TBCD: variants seen among roughly 807,000 people sequenced by gnomAD.
TBCD encodes tubulin-specific chaperone D.
TBCD carries 105 observed loss-of-function variants against 169.3 expected under a neutral mutation model. The ratio of observed to expected loss-of-function variants is 0.62; its 90% confidence interval spans 0.53 to 0.73. The LOEUF (loss-of-function observed/expected upper bound fraction) is 0.73. Among genes scored for constraint, TBCD ranks in the 30% least tolerant of loss-of-function variants. The pLI is 0.00. For synonymous variants in TBCD, 700 were observed against 643.9 expected (o/e 1.09, Z -1.32); for missense variants, 1,444 against 1,600.1 (o/e 0.90, Z 1.66).
rs185752740 is a variant in TBCD, at chr17:82,873,019, C to G, written c.1475+2639C>G. ...CCGACGGCTTCTGAGCCAGGCCCGT[C>G]TGGGCAGCAGCTCCCAGGCCCTGGC... On this transcript the variant is annotated intron_variant, in intron 14 of 38. Coordinates refer to ENST00000355528, the MANE Select transcript of TBCD (RefSeq NM_005993.5). 2.0e-5 allele frequency among the ~76,000 whole-genome samples: 3 copies of G among 152,190 alleles called. No individual in the cohort carries two copies. The East Asian group carries it at 5.8e-4, about 29-fold the overall frequency.
At chr17:82,888,450 T>C (rs182605192) in intron 15 of TBCD, among the ~76,000 whole-genome samples, 26 of 152,384 alleles carry the variant, frequency 1.7e-4, no homozygotes, top group Admixed American at 5.9e-4. Context: ...GTATGTTAAA[T>C]TGATGTTACA....
At chr17:82,758,430 T>G (rs576516462) in intron 2 of TBCD, among the ~76,000 whole-genome samples, 3 of 116,230 alleles carry the variant, frequency 2.6e-5, no homozygotes, top group East Asian at 4.8e-4. Flanking sequence ...TTTTTTTTTT[T>G]GTAGAGAAGG....
At chr17:82,910,909 G>A (rs772600673) in intron 22 of TBCD, among the ~76,000 whole-genome samples, 9 of 152,144 alleles carry the variant, frequency 5.9e-5, no homozygotes, top group Non-Finnish European at 1.3e-4. Context: ...AGTGAACCTC[G>A]TGCTGTTCTC....
At chr17:82,799,607 C>T (rs935173485) in intron 8 of TBCD, among the ~76,000 whole-genome samples, 17 of 152,232 alleles carry the variant, frequency 1.1e-4, no homozygotes, top group African/African-American at 4.1e-4. Flanking sequence ...CGTGTGCAGC[C>T]TGTTTCATCC....
chr17:82,807,768 G>A (rs1397158393), intron 11 of TBCD, 100 bp downstream of exon 11: 2 of 945,636 alleles, frequency 2.1e-6, no homozygotes, highest in Non-Finnish European at 1.4e-6. Flanking sequence ...GTGGCAGCGC[G>A]GCCCCCTCCT....
chr17:82,756,614 G>A lies in TBCD; in HGVS notation c.235+399G>A, dbSNP rs567412248. Among the ~76,000 whole-genome samples the A allele has an allele frequency of 3.2e-3, 482 of 152,184 alleles. 1 individual carries two copies. Among genetic ancestry groups the A allele is most frequent in the Non-Finnish European group, 5.7e-3 (388 of 68,012 alleles). On this transcript the variant is annotated intron_variant, in intron 2 of 38. Transcript: ENST00000355528. The stretch of plus-strand genomic sequence containing the variant: ...CCTGCCTCTGCCTCCCGAGTAGCTG[G>A]GATTACAGGCATGCGCCACCATGCC...
At chr17:82,811,169 T>A (rs2051408712) in intron 12 of TBCD, among the ~76,000 whole-genome samples, 1 of 152,206 alleles carries the variant, frequency 6.6e-6, no homozygotes, top group East Asian at 1.9e-4. Context: ...GGTGGGCATA[T>A]GTCCTCCTGT....
intron 13 of TBCD, among the ~76,000 whole-genome samples, chr17:82,846,730 CCT>C (rs913315960): frequency 2.0e-5 from 3 of 152,332 alleles, no homozygotes; most frequent in African/African-American, 7.2e-5. Context: ...CAGCCCTTCC[CCT>C]GTGTTACATG....
intron 7 of TBCD, among the ~76,000 whole-genome samples, chr17:82,786,222 C>G (rs1298718364): frequency 1.3e-5 from 2 of 152,010 alleles, no homozygotes; most frequent in Non-Finnish European, 2.9e-5. Context: ...TCTCTGCCCT[C>G]TAGGATTCCC....
At chr17:82,935,621 G>A (rs961745298) in intron 34 of TBCD, among the ~76,000 whole-genome samples, 2 of 152,154 alleles carry the variant, frequency 1.3e-5, no homozygotes, top group South Asian at 2.1e-4. Context: ...TATTCTTAGC[G>A]AAGTCCAGTT....
At position 82,835,634 on chromosome 17, in the gene TBCD, C is replaced by T. The variant is rs112992590; in HGVS notation, c.1318+20700C>T. Among the ~76,000 whole-genome samples the T allele has an allele frequency of 2.6e-5, 4 of 151,844 alleles. No homozygotes were observed. The highest frequency in any genetic ancestry group is 6.6e-5 in the Admixed American group (1 of 15,250). On this transcript the variant is annotated intron_variant, in intron 13 of 38. Transcript: ENST00000355528. This position sits in a 1 kb window ranked among gnomAD's most constrained non-coding sequence, Gnocchi z 4.5. Reference sequence around the variant, plus strand: ...GAGATGGGGTTTCACTATGTTGGCCCGGCTGGTCTTGAACTCCTGACCTCA... The same window carrying T: ...GAGATGGGGTTTCACTATGTTGGCCTGGCTGGTCTTGAACTCCTGACCTCA...
At chr17:82,761,819 G>A (rs1295457996) in intron 2 of TBCD, among the ~76,000 whole-genome samples, 2 of 151,280 alleles carry the variant, frequency 1.3e-5, no homozygotes, top group African/African-American at 2.4e-5. Flanking sequence ...TCTGCCACCC[G>A]GGTTCACGCC....
At chr17:82,896,819 C>G (rs1265573963) in intron 17 of TBCD, among the ~76,000 whole-genome samples, 2 of 152,084 alleles carry the variant, frequency 1.3e-5, no homozygotes, top group African/African-American at 4.8e-5. Flanking sequence ...CCACGCGCCC[C>G]CGGTGCTGGA....
Position 82,763,981 on chromosome 17 carries a change from G to A in TBCD, c.252G>A (p.Leu84=). 6.2e-7 allele frequency: 1 copy of A among 1,613,764 alleles called. No homozygotes were observed. Among genetic ancestry groups the A allele is most frequent in the Non-Finnish European group, 8.5e-7 (1 of 1,179,780 alleles). The change falls in exon 3 of 39, where the codon TTG becomes TTA. Residue 84 remains leucine (L), a synonymous_variant. Coordinates refer to ENST00000355528, the MANE Select transcript of TBCD (RefSeq NM_005993.5). ...LDPHLEWMMN[L]LLDIVQDQTS... ...TTTCCCTAGAATGGATGATGAACTT[G>A]TTGTTGGACATAGTGCAAGATCAGA... is the stretch of plus-strand genomic sequence containing the variant.
In TBCD at chr17:82,884,455, T is replaced by C. The variant is rs945040233; in HGVS notation, c.1533+253T>C. Among the ~76,000 whole-genome samples, 10 of 152,164 alleles carry C rather than the reference T, an allele frequency of 6.6e-5. No individual in the cohort carries two copies. Among genetic ancestry groups the C allele is most frequent in the Admixed American group, 6.5e-5 (1 of 15,276 alleles). The stretch of plus-strand genomic sequence containing the variant: ...ATCACTGCTGGGGGTTGATGGGTGA[T>C]GGAGGCGAGTGGGAGGTGCCCGATG... On this transcript the variant is annotated intron_variant, in intron 15 of 38. Transcript: ENST00000355528. The surrounding 1 kb of genome is among the most constrained non-coding windows in gnomAD (Gnocchi z 4.2).
Position 82,772,501 on chromosome 17 carries a change from T to C in TBCD, c.632T>C (p.Val211Ala), listed in dbSNP as rs1183852307. The change falls in exon 6 of 39, where the codon GTG becomes GCG. Residue 211 changes from valine to alanine, a missense_variant. Physicochemically the swap from Val to Ala is moderately conservative, Grantham distance 64 (BLOSUM62 0). Transcript: ENST00000355528. The stretch of plus-strand genomic sequence containing the variant: ...GCCCGAGATGCAGCTGCTGTCCTTG[T>C]GTCCAGGTAAGTTTCCATGGCACAT... ...DKARDAAAVL[V>A]SRFITRPDVK... The C allele has an allele frequency of 1.9e-6, 3 of 1,613,868 alleles. No individual in the cohort carries two copies. The highest frequency in any genetic ancestry group is 2.5e-6 in the Non-Finnish European group (3 of 1,179,896).
chr17:82,930,227 C>T lies in TBCD; in HGVS notation c.2992-295C>T, dbSNP rs968499. Reference sequence around the variant, plus strand: ...TATCAAATCCCGCTTCAGTGGGAAACGTGAGCGAAACCCAAGGTGAGTGGC... The same window carrying T: ...TATCAAATCCCGCTTCAGTGGGAAATGTGAGCGAAACCCAAGGTGAGTGGC... On this transcript the variant is annotated intron_variant, in intron 32 of 38. Transcript: ENST00000355528. The surrounding 1 kb of genome is among the most constrained non-coding windows in gnomAD (Gnocchi z 5.2). The T allele has an allele frequency of 2.6e-3, 1,084 of 421,904 alleles. 8 individuals carry two copies. Among genetic ancestry groups the T allele is most frequent in the African/African-American group, 0.021 (1,007 of 48,886 alleles). 26.1% of individuals were successfully genotyped at this position (421,904 alleles called of 1,614,324 possible).
At chr17:82,925,294 A>G (rs1389573939) in intron 27 of TBCD, among the ~76,000 whole-genome samples, 1 of 152,150 alleles carries the variant, frequency 6.6e-6, no homozygotes, top group Non-Finnish European at 1.5e-5. Flanking sequence ...GAAAAAGCTG[A>G]ATTCTGGGAG....
At chr17:82,927,539 T>C (rs1297886593) in intron 29 of TBCD, among the ~76,000 whole-genome samples, 6 of 152,220 alleles carry the variant, frequency 3.9e-5, no homozygotes, top group African/African-American at 1.4e-4. Context: ...CCTCAGGTGT[T>C]GGGCCTGTGT....
Sources: gnomAD v4.1 joint callset for allele counts (sites outside exome capture counted in the v4.1 genomes callset) on GRCh38, gnomAD v4.1.1 for gene constraint, Gnocchi (gnomAD v3.1) non-coding constraint, MANE v1.5 for transcripts, NCBI Gene and HGNC (gene_info 2026-07-23, HGNC 2026-07-21) for gene names.